Variants in CLYBL observed in about 807,000 individuals in gnomAD.
CLYBL encodes citramalyl-CoA lyase.
CLYBL carries 31 observed loss-of-function variants against 38.9 expected under a neutral mutation model. That is an observed-to-expected ratio of 0.80 (90% CI 0.60 to 1.08). CLYBL has a LOEUF of 1.08. Ranked by LOEUF, CLYBL falls within the 50% of genes least tolerant of loss-of-function variation. CLYBL has a pLI of 0.00. For synonymous variants in CLYBL, 171 were observed against 158.6 expected, an observed-to-expected ratio of 1.08 and a Z score of -0.59; for missense variants, 434 against 411.6, an observed-to-expected ratio of 1.05 and a Z score of -0.47.
In CLYBL at chr13:99,845,178, A is replaced by T. The variant is rs16956961; in HGVS notation, c.250-13683A>T. Reference sequence around the variant, plus strand: ...CTTTCATCTTCATCTCGCATGAAGGATACAATTTCGTTTTGACGCACGGTT... The same window carrying T: ...CTTTCATCTTCATCTCGCATGAAGGTTACAATTTCGTTTTGACGCACGGTT... On this transcript the variant is annotated intron_variant, in intron 2 of 8. Transcript: ENST00000339105. Among the ~76,000 whole-genome samples, 580 of 152,236 alleles carry T rather than the reference A, an allele frequency of 3.8e-3. 2 individuals carry two copies. Among genetic ancestry groups the T allele is most frequent in the African/African-American group, 0.013 (547 of 41,524 alleles).
chr13:99,674,385 C>T (rs1042498390), intron 1 of CLYBL, among the ~76,000 whole-genome samples: 9 of 151,800 alleles, frequency 5.9e-5, no homozygotes, highest in African/African-American at 1.9e-4. Flanking sequence ...CTCCTGACCT[C>T]GTGATCTGCC....
intron 1 of CLYBL, among the ~76,000 whole-genome samples, chr13:99,610,957 A>G (rs76635894): frequency 0.26 from 38,845 of 152,040 alleles, 6,086 homozygotes; most frequent in East Asian, 0.58. Flanking sequence ...GCTCTGAGTC[A>G]GGTCAATTAA....
intron 1 of CLYBL, among the ~76,000 whole-genome samples, chr13:99,638,979 C>T (rs2047059199): frequency 6.6e-6 from 1 of 152,182 alleles, no homozygotes. Context: ...AGCTGGGGCT[C>T]TTTCGACAAG....
intron 1 of CLYBL, among the ~76,000 whole-genome samples, chr13:99,694,425 C>G (rs1244364157): frequency 1.3e-5 from 2 of 152,194 alleles, no homozygotes; most frequent in African/African-American, 4.8e-5. Context: ...CAGCAGATGG[C>G]CAGAGTGTTT....
chr13:99,821,064 A>C (rs1442060298), intron 2 of CLYBL, among the ~76,000 whole-genome samples: 3 of 152,356 alleles, frequency 2.0e-5, no homozygotes, highest in Middle Eastern at 3.4e-3. Context: ...ATGATGTAGA[A>C]ATACTTTATG....
At position 99,832,999 on chromosome 13, in the gene CLYBL, CATACATACATATAT is replaced by C. The variant is rs1483281351; in HGVS notation, c.250-25858_250-25845del. 4.1e-4 allele frequency among the ~76,000 whole-genome samples: 22 copies of C among 53,706 alleles called. 2 individuals are homozygous for C. The highest frequency in any genetic ancestry group is 1.6e-3 in the Admixed American group (6 of 3,764). The allele number at this position is 53,706 out of a possible 152,430, so 35.2% of individuals were successfully genotyped here. A position where few individuals can be genotyped will look rare whatever the true frequency, so the allele number is the denominator to read the frequency against. On this transcript the variant is annotated intron_variant, in intron 2 of 8. Transcript: ENST00000339105. ...CATTTCATTAAGTAGTATATACATA[CATACATACATATAT>C]ATATATATATATATATATTTTTTTT...
chr13:99,665,865 G>A (rs1453106933), intron 1 of CLYBL, among the ~76,000 whole-genome samples: 1 of 152,230 alleles, frequency 6.6e-6, no homozygotes, highest in Non-Finnish European at 1.5e-5. Flanking sequence ...TCAGCCGTTT[G>A]ATGGAATTCG....
chr13:99,658,336 T>A (rs2047359247), intron 1 of CLYBL, among the ~76,000 whole-genome samples: 1 of 152,224 alleles, frequency 6.6e-6, no homozygotes. Flanking sequence ...TCAGCGCTCC[T>A]CCCACTGCTG....
intron 2 of CLYBL, among the ~76,000 whole-genome samples, chr13:99,781,149 T>G (rs1452254415): frequency 1.3e-5 from 2 of 149,654 alleles, no homozygotes; most frequent in Admixed American, 6.7e-5. Context: ...TATTTTTAAA[T>G]TTTTTATTAT....
rs74948445 is a variant in CLYBL at position 99,773,410 on chromosome 13, G to T, written c.249+400G>T. On this transcript the variant is annotated intron_variant, in intron 2 of 8. Coordinates refer to ENST00000339105, the MANE Select transcript of CLYBL (RefSeq NM_206808.5). ...GGCCAGAACCCAGGAGATGAGCAGT[G>T]GGTGAACAAGCATTATGGCCTAAGC... Among the ~76,000 whole-genome samples the T allele has an allele frequency of 1.6e-3, 248 of 152,264 alleles. 3 individuals are homozygous for T. In the East Asian group the frequency reaches 0.042, roughly 26 times the overall value.
chr13:99,894,476 A>G (rs964921775), downstream of CLYBL: 1 of 152,230 alleles, frequency 6.6e-6, no homozygotes, highest in African/African-American at 2.4e-5. Flanking sequence ...GGGTAACACT[A>G]TTAAAACATT....
At chr13:99,646,554 C>T (rs962770175) in intron 1 of CLYBL, among the ~76,000 whole-genome samples, 3 of 139,230 alleles carry the variant, frequency 2.2e-5, no homozygotes, top group Admixed American at 7.2e-5. Context: ...CACTCTGGCA[C>T]CCCGGCTGGA....
chr13:99,671,930 A>G (rs533011370), intron 1 of CLYBL, among the ~76,000 whole-genome samples: 1 of 152,166 alleles, frequency 6.6e-6, no homozygotes, highest in Non-Finnish European at 1.5e-5. Context: ...CCAAGCACAC[A>G]GTCCCCTTCT....
At chr13:99,630,889 A>G (rs60633096) in intron 1 of CLYBL, among the ~76,000 whole-genome samples, 24,402 of 152,204 alleles carry the variant, frequency 0.16, 2,078 homozygotes, top group African/African-American at 0.19. Flanking sequence ...TAATTTATCC[A>G]AATTTACATG....
chr13:99,763,265 C>T (rs927726306), intron 1 of CLYBL, among the ~76,000 whole-genome samples: 1 of 152,068 alleles, frequency 6.6e-6, no homozygotes, highest in Non-Finnish European at 1.5e-5. Context: ...GAGGAAAGTC[C>T]TTAATTTCTC....
intron 1 of CLYBL, among the ~76,000 whole-genome samples, chr13:99,715,484 C>T (rs1039890539): frequency 1.3e-5 from 2 of 150,812 alleles, no homozygotes; most frequent in Admixed American, 1.3e-4. Flanking sequence ...CTCACTGCAG[C>T]CTGGACCTCT....
intron 2 of CLYBL, among the ~76,000 whole-genome samples, chr13:99,778,233 C>T (rs1336573794): frequency 6.6e-6 from 1 of 152,154 alleles, no homozygotes; most frequent in Non-Finnish European, 1.5e-5. Flanking sequence ...CTCAAAGTCA[C>T]CTCTTAATCA....
chr13:99,861,209 A>C (rs1027993477), intron 3 of CLYBL, among the ~76,000 whole-genome samples: 5 of 152,294 alleles, frequency 3.3e-5, no homozygotes, highest in African/African-American at 1.2e-4. Flanking sequence ...GTTAGTACTT[A>C]GTGCAATTTT....
intron 1 of CLYBL, among the ~76,000 whole-genome samples, chr13:99,697,789 G>A (rs1039732289): frequency 6.6e-6 from 1 of 150,752 alleles, no homozygotes; most frequent in African/African-American, 2.4e-5. Flanking sequence ...TGGGAGTACA[G>A]GCACCCGCCA....
Sources: gnomAD v4.1 joint callset for allele counts (sites outside exome capture counted in the v4.1 genomes callset) on GRCh38, gnomAD v4.1.1 for gene constraint, MANE v1.5 for transcripts, NCBI Gene and HGNC (gene_info 2026-07-23, HGNC 2026-07-21) for gene names.